TRAPPC12: variants seen among roughly 807,000 people sequenced by gnomAD.
The protein encoded by TRAPPC12 is trafficking protein particle complex subunit 12, also known as TPR repeat protein 15.
In TRAPPC12, 61 loss-of-function variants were observed where a neutral mutation model predicts 69.2. That is an observed-to-expected ratio of 0.88 (90% CI 0.72 to 1.09). TRAPPC12 has a LOEUF of 1.09. Ranked by LOEUF, TRAPPC12 falls within the 50% of genes least tolerant of loss-of-function variation. The probability of loss-of-function intolerance (pLI) is 0.00; values close to 1 mark genes in which losing one functional copy is unlikely to be tolerated. For missense variants in TRAPPC12, 1,101 were observed against 1,016.4 expected (o/e 1.08, Z -1.13); for synonymous variants, 469 against 438.9 (o/e 1.07, Z -0.86).
chr2:3,420,074 T>C (rs1031546866), intron 3 of TRAPPC12, among the ~76,000 whole-genome samples: 11 of 152,234 alleles, frequency 7.2e-5, no homozygotes, highest in African/African-American at 2.7e-4. Flanking sequence ...TGCCCAAAGA[T>C]GTTGATACCA....
chr2:3,452,716 C>T (rs1216721030), intron 6 of TRAPPC12, among the ~76,000 whole-genome samples: 2 of 152,218 alleles, frequency 1.3e-5, no homozygotes, highest in African/African-American at 4.8e-5. Flanking sequence ...CAAAGACCCA[C>T]TTAATATTTA....
At chr2:3,405,984 T>C (rs1420614885) in intron 3 of TRAPPC12, among the ~76,000 whole-genome samples, 2 of 152,304 alleles carry the variant, frequency 1.3e-5, no homozygotes, top group Non-Finnish European at 2.9e-5. Flanking sequence ...ACCCTGCTTC[T>C]GTAACTGGCG....
chr2:3,455,584 A>G (rs1665102783), intron 6 of TRAPPC12: 2 of 152,188 alleles, frequency 1.3e-5, no homozygotes, highest in South Asian at 2.1e-4. Flanking sequence ...GCTCCCACAG[A>G]TAAGTGAGAA....
intron 5 of TRAPPC12, among the ~76,000 whole-genome samples, chr2:3,437,023 C>G (rs1451124904): frequency 2.6e-5 from 1 of 38,828 alleles, no homozygotes; most frequent in South Asian, 1.4e-3. Flanking sequence ...TACCCCATCA[C>G]CCCAGGATTA....
At chr2:3,394,507 G>A (rs141368215) in intron 2 of TRAPPC12, among the ~76,000 whole-genome samples, 302 of 152,236 alleles carry the variant, frequency 2.0e-3, no homozygotes, top group African/African-American at 6.0e-3. Context: ...TGTAGTCCCA[G>A]CTACTTGCGA....
chr2:3,478,566 G>A (rs368434337), intron 10 of TRAPPC12: 230 of 267,944 alleles, frequency 8.6e-4, no homozygotes, highest in African/African-American at 4.6e-3. Context: ...TCCAGGAGGC[G>A]GAGGTTGCGG....
chr2:3,448,660 C>G (rs1271169166), intron 6 of TRAPPC12, among the ~76,000 whole-genome samples: 1 of 145,346 alleles, frequency 6.9e-6, no homozygotes, highest in Admixed American at 6.7e-5. Context: ...GGAGAGCAGC[C>G]GGTTACGCGA....
chr2:3,405,286 G>A (rs1572106490), intron 3 of TRAPPC12, among the ~76,000 whole-genome samples: 1 of 152,154 alleles, frequency 6.6e-6, no homozygotes, highest in Non-Finnish European at 1.5e-5. Flanking sequence ...CTACAAAGGT[G>A]TAGAGGTTGG....
chr2:3,443,482 C>T (rs189598317), intron 5 of TRAPPC12, among the ~76,000 whole-genome samples: 6 of 152,288 alleles, frequency 3.9e-5, no homozygotes, highest in Admixed American at 2.6e-4. Flanking sequence ...GAGGGGTTGG[C>T]GGTCTCTACT....
intron 2 of TRAPPC12, among the ~76,000 whole-genome samples, chr2:3,389,303 T>C (rs1212227322): frequency 6.6e-6 from 1 of 152,240 alleles, no homozygotes; most frequent in Non-Finnish European, 1.5e-5. Context: ...GCTTGCGCTT[T>C]GGCATATCCC....
At chr2:3,457,923 A>G in intron 7 of TRAPPC12, 6 of 1,404,326 alleles carry the variant, frequency 4.3e-6, no homozygotes, top group Middle Eastern at 2.4e-4. Context: ...CGGGGAGAAG[A>G]CACGCCTTCA....
intron 2 of TRAPPC12, among the ~76,000 whole-genome samples, chr2:3,396,753 T>C (rs1446961518): frequency 6.6e-6 from 1 of 152,246 alleles, no homozygotes; most frequent in Non-Finnish European, 1.5e-5. Context: ...TTTTCCATGT[T>C]TTTTACCTCT....
intron 5 of TRAPPC12, among the ~76,000 whole-genome samples, chr2:3,428,959 C>A (rs957483034): frequency 6.6e-6 from 1 of 152,194 alleles, no homozygotes; most frequent in Admixed American, 6.5e-5. Context: ...CTACTGCATT[C>A]GTTGCTTCTT....
intron 4 of TRAPPC12, 116 bp from the exon 5 acceptor site, chr2:3,424,399 AAAGTTAGGTT>A (rs1662980676): frequency 2.5e-6 from 2 of 805,062 alleles, no homozygotes; most frequent in Non-Finnish European, 3.9e-6. Context: ...GCAAAGATAG[AAAGTTAGGTT>A]AGCCCTTATT....
chr2:3,433,107 G>A (rs1037708110), intron 5 of TRAPPC12, among the ~76,000 whole-genome samples: 2 of 152,196 alleles, frequency 1.3e-5, no homozygotes, highest in Admixed American at 6.5e-5. Context: ...GTTGAGAGCT[G>A]TAAGTGTGAC....
At chr2:3,422,531 C>T (rs1220974646) in intron 4 of TRAPPC12, among the ~76,000 whole-genome samples, 8 of 152,190 alleles carry the variant, frequency 5.3e-5, no homozygotes, top group South Asian at 2.1e-4. Context: ...CTTACCTTTC[C>T]CTGGGGAGTT....
At chr2:3,394,650 A>G (rs187513664) in intron 2 of TRAPPC12, among the ~76,000 whole-genome samples, 2 of 151,918 alleles carry the variant, frequency 1.3e-5, no homozygotes, top group Admixed American at 6.5e-5. Flanking sequence ...GGGGGAGATC[A>G]GAGATTGGTG....
rs534910773 is a variant in TRAPPC12, at chr2:3,444,236, C to T, written c.1530+345C>T. Among the ~76,000 whole-genome samples the T allele has an allele frequency of 2.6e-5, 4 of 152,366 alleles. No homozygotes were observed. The South Asian group carries it at 6.2e-4, about 24-fold the overall frequency. On this transcript the variant is annotated intron_variant, in intron 6 of 11. Transcript: ENST00000324266. ...CCCCTGTGTCCCACAAGTGCCCACA[C>T]GCACCTGCCACGTGCAGACAGAGGT...
chr2:3,417,452 C>T (rs1489921871), intron 3 of TRAPPC12, among the ~76,000 whole-genome samples: 6 of 152,136 alleles, frequency 3.9e-5, no homozygotes, highest in Non-Finnish European at 8.8e-5. Context: ...GTTTTCCAAA[C>T]ATTTTATTTC....
Sources: gnomAD v4.1 joint callset for allele counts (sites outside exome capture counted in the v4.1 genomes callset) on GRCh38, gnomAD v4.1.1 for gene constraint, MANE v1.5 for transcripts, NCBI Gene and HGNC (gene_info 2026-07-23, HGNC 2026-07-21) for gene names.